The following PECAM1 variants were observed in gnomAD, a reference collection of about 807,000 sequenced individuals.
PECAM1 encodes platelet and endothelial cell adhesion molecule 1.
PECAM1 carries 8 observed loss-of-function variants against 13.8 expected under a neutral mutation model. The observed-to-expected ratio is 0.58, with a 90% CI of 0.34 to 1.05. The LOEUF is 1.05. Among genes scored for constraint, PECAM1 ranks in the 50% least tolerant of loss-of-function variants. PECAM1 has a pLI of 0.03. For synonymous variants in PECAM1, 136 were observed against 52.6 expected (o/e 2.58, Z -6.86); for missense variants, 304 against 141.2 (o/e 2.15, Z -5.84).
At chr17:64,387,689 G>A (rs959829465) in intron 2 of PECAM1, among the ~76,000 whole-genome samples, 3 of 152,178 alleles carry the variant, frequency 2.0e-5, no homozygotes, top group Admixed American at 6.5e-5. Flanking sequence ...TGGAGAGGCT[G>A]ATAAGCCTGC....
chr17:64,366,648 A>G (rs1404827211), intron 5 of PECAM1, among the ~76,000 whole-genome samples: 2 of 152,252 alleles, frequency 1.3e-5, no homozygotes, highest in East Asian at 3.9e-4. Context: ...GCAGCCATAA[A>G]AAACGATGAG....
At chr17:64,373,566 A>T (rs989901585) in intron 4 of PECAM1, among the ~76,000 whole-genome samples, 15 of 150,334 alleles carry the variant, frequency 1.0e-4, no homozygotes, top group African/African-American at 3.4e-4. Context: ...CTGGGTGTGT[A>T]TATGATATAT....
intron 13 of PECAM1, among the ~76,000 whole-genome samples, chr17:64,344,086 G>A (rs2035502500): frequency 6.6e-6 from 1 of 152,124 alleles, no homozygotes; most frequent in Non-Finnish European, 1.5e-5. Context: ...CCAGGCGCAT[G>A]GTGGGGTGGT....
intron 7 of PECAM1, among the ~76,000 whole-genome samples, chr17:64,358,297 T>G (rs2035893633): frequency 6.6e-6 from 1 of 152,002 alleles, no homozygotes; most frequent in Non-Finnish European, 1.5e-5. Context: ...TTTTGTATTT[T>G]TAGTAGAGAC....
chr17:64,367,939 T>C lies in PECAM1; in HGVS notation c.967+1811A>G, dbSNP rs910861913. Among the ~76,000 whole-genome samples, 11 of 152,330 alleles carry C rather than the reference T, an allele frequency of 7.2e-5. No homozygotes were observed. The South Asian group carries it at 1.9e-3, about 26-fold the overall frequency. Reference sequence around the variant, plus strand: ...ATAGACCAGCAGGACCCAATGTATATGCCAATATACCAGTTGGGTAGTTGG... The same window carrying C: ...ATAGACCAGCAGGACCCAATGTATACGCCAATATACCAGTTGGGTAGTTGG... On this transcript the variant is annotated intron_variant, in intron 5 of 15. Coordinates refer to ENST00000563924, the MANE Select transcript of PECAM1 (RefSeq NM_000442.5).
intron 12 of PECAM1, among the ~76,000 whole-genome samples, chr17:64,348,765 T>A (rs930094826): frequency 5.9e-5 from 9 of 152,060 alleles, no homozygotes; most frequent in Non-Finnish European, 1.0e-4. Flanking sequence ...ATTAAAGTAT[T>A]CTGTATTTTG....
chr17:64,382,117 C>T (rs60013252), intron 2 of PECAM1, among the ~76,000 whole-genome samples: 14,034 of 151,878 alleles, frequency 0.092, 2,165 homozygotes, highest in African/African-American at 0.32. Flanking sequence ...ACCTTTTTTT[C>T]CTTTGGACCA....
At chr17:64,377,641 G>GAAGGAAGGAAGGAAGGAAGGAA (rs1598050577) in intron 3 of PECAM1, 183 bp downstream of exon 3, 103 of 405,652 alleles carry the variant, frequency 2.5e-4, no homozygotes, top group Middle Eastern at 6.5e-4. Context: ...AGGAAGGAAG[G>GAAGGAAGGAAGGAAGGAAGGAA]GCCTGGCCTA....
At chr17:64,389,955 G>C (rs966574876) in intron 2 of PECAM1, among the ~76,000 whole-genome samples, 2 of 152,118 alleles carry the variant, frequency 1.3e-5, no homozygotes, top group Admixed American at 6.5e-5. Context: ...GGCTGAGACA[G>C]GAGAATCCCT....
At position 64,321,750 on chromosome 17, in the gene PECAM1, G is replaced by A. The variant is rs1183398412; in HGVS notation, c.*2066C>T. 8.0e-7 allele frequency: 1 copy of A among 1,248,888 alleles called. No individual in the cohort carries two copies. The highest frequency in any genetic ancestry group is 5.1e-5 in the East Asian group (1 of 19,532). The allele number at this position is 1,248,888 out of a possible 1,614,324, so 77.4% of individuals were successfully genotyped here. On this transcript the variant is annotated 3_prime_UTR_variant, in exon 16 of 16. Coordinates refer to ENST00000563924, the MANE Select transcript of PECAM1 (RefSeq NM_000442.5). ...CACTCCAGCCTGGGCAACAGAGCAA[G>A]CCCCTGTCTCAACAAAACAAAACAA... is the stretch of plus-strand genomic sequence containing the variant.
chr17:64,332,317 AC>A (rs2035145008), intron 14 of PECAM1, among the ~76,000 whole-genome samples: 1 of 149,862 alleles, frequency 6.7e-6, no homozygotes. Flanking sequence ...GACCCAAAGG[AC>A]CCCGTGATTC....
At chr17:64,382,218 C>T (rs2036497107) in intron 2 of PECAM1, among the ~76,000 whole-genome samples, 1 of 152,208 alleles carries the variant, frequency 6.6e-6, no homozygotes, top group African/African-American at 2.4e-5. Context: ...TCCATTACCT[C>T]TTCAGTACTT....
rs184467142 is a variant in PECAM1 at position 64,326,718 on chromosome 17, A to T, written c.2188-2873T>A. The stretch of plus-strand genomic sequence containing the variant: ...CAGGAAGGGCTGGGCCACAATCAAC[A>T]GGGCCTTAGGGATTTTGAAGTAAAG... On this transcript the variant is annotated intron_variant, in intron 15 of 15. Transcript: ENST00000563924. Among the ~76,000 whole-genome samples the T allele has an allele frequency of 2.0e-5, 3 of 152,318 alleles. No homozygotes were observed. In the East Asian group the frequency reaches 5.8e-4, roughly 29 times the overall value.
At chr17:64,389,998 G>C (rs1232854203) in intron 2 of PECAM1, among the ~76,000 whole-genome samples, 2 of 151,652 alleles carry the variant, frequency 1.3e-5, no homozygotes, top group East Asian at 3.9e-4. Flanking sequence ...CAGAGAGCCG[G>C]GATTGCACCA....
chr17:64,344,052 A>ACAAATGCTAT (rs2035501700), intron 13 of PECAM1, among the ~76,000 whole-genome samples: 1 of 152,226 alleles, frequency 6.6e-6, no homozygotes, highest in South Asian at 2.1e-4. Context: ...AGACACTGCA[A>ACAAATGCTAT]CAAATGCTAT....
intron 5 of PECAM1, among the ~76,000 whole-genome samples, chr17:64,367,659 C>A (rs1285896216): frequency 2.6e-5 from 4 of 152,126 alleles, no homozygotes; most frequent in African/African-American, 7.2e-5. Flanking sequence ...GACAGAATGT[C>A]TCAGTCCATC....
At chr17:64,372,423 A>C (rs1246610725) in intron 4 of PECAM1, among the ~76,000 whole-genome samples, 1 of 152,204 alleles carries the variant, frequency 6.6e-6, no homozygotes, top group Admixed American at 6.5e-5. Flanking sequence ...TAAAGGAATT[A>C]GCTGTTTGTT....
At chr17:64,385,169 C>T (rs2036566054) in intron 2 of PECAM1, among the ~76,000 whole-genome samples, 2 of 152,148 alleles carry the variant, frequency 1.3e-5, no homozygotes, top group African/African-American at 2.4e-5. Flanking sequence ...TGTGGGACAG[C>T]CTAAAGAGGT....
chr17:64,376,802 C>T (rs1439082496), intron 3 of PECAM1, among the ~76,000 whole-genome samples: 1 of 152,040 alleles, frequency 6.6e-6, no homozygotes, highest in African/African-American at 2.4e-5. Context: ...TGGTAAAACC[C>T]CATCCTTACT....
Sources: allele counts gnomAD v4.1 joint callset (sites outside exome capture counted in the v4.1 genomes callset), GRCh38; gene constraint gnomAD v4.1.1; transcripts MANE v1.5; gene names NCBI Gene and HGNC (gene_info 2026-07-23, HGNC 2026-07-21).